Variants in ADAMTS4 observed in about 807,000 individuals in gnomAD.
ADAMTS4 encodes the protein ADAM metallopeptidase with thrombospondin type 1 motif 4, also known as A disintegrin and metalloproteinase with thrombospondin motifs 4.
ADAMTS4 carries 38 observed loss-of-function variants against 66.7 expected under a neutral mutation model. The observed-to-expected ratio is 0.57, with a 90% CI of 0.44 to 0.75. The LOEUF (loss-of-function observed/expected upper bound fraction) is 0.75, where lower values mean the gene tolerates loss of function less well. ADAMTS4 is among the 30% of genes least tolerant of loss of function. The pLI is 0.00. For missense variants in ADAMTS4, 1,014 were observed against 1,116.7 expected, an observed-to-expected ratio of 0.91 and a Z score of 1.31; for synonymous variants, 418 against 461.5, an observed-to-expected ratio of 0.91 and a Z score of 1.21.
Position 161,198,455 on chromosome 1 carries a change from T to TC in ADAMTS4, c.172dup (p.Glu58GlyfsTer60). 1.3e-6 allele frequency: 2 copies of TC among 1,573,990 alleles called. No individual in the cohort carries two copies. The highest frequency in any genetic ancestry group is 8.6e-7 in the Non-Finnish European group (1 of 1,160,320). On this transcript the variant is annotated frameshift_variant, in exon 1 of 9. Coordinates refer to ENST00000367996, the MANE Select transcript of ADAMTS4 (RefSeq NM_005099.6). LOFTEE classifies it high-confidence loss of function. The surrounding 1 kb of genome is among the most constrained non-coding windows in gnomAD (Gnocchi z 4.7). The stretch of plus-strand genomic sequence containing the variant: ...CTTCTCTGGAAACACGATCTCCTCC[T>TC]CCCGGGGGAGGGGGCTGGCCAGCCG...
rs1664978235 is a variant in ADAMTS4 at position 161,198,664 on chromosome 1, C to T, written c.-37G>A. 2.7e-6 allele frequency: 4 copies of T among 1,455,992 alleles called. No individual in the cohort carries two copies. In the South Asian group the frequency reaches 4.3e-5, roughly 16 times the overall value. 90.2% of individuals were successfully genotyped at this position (1,455,992 alleles called of 1,614,324 possible). ...TGCAGCTGGGAGGGACTGAGGCCGT[C>T]TAGGGCACCAAGTCCTCCACACCCT... is the stretch of plus-strand genomic sequence containing the variant. On this transcript the variant is annotated 5_prime_UTR_variant, in exon 1 of 9. Transcript: ENST00000367996. This position sits in a 1 kb window ranked among gnomAD's most constrained non-coding sequence, Gnocchi z 4.7.
In ADAMTS4 at chr1:161,198,253, G is replaced by T; in HGVS notation, c.375C>A (p.Gly125=). Residue 125 remains glycine, a synonymous_variant, in exon 1 of 9, where the codon GGC becomes GGA. Coordinates refer to ENST00000367996, the MANE Select transcript of ADAMTS4 (RefSeq NM_005099.6). This position sits in a 1 kb window ranked among gnomAD's most constrained non-coding sequence, Gnocchi z 4.7. Reference sequence around the variant, plus strand: ...CATTGATGGTGCCAGTCAGGTAGGTGCCAGGCTCTGCTCCACCCAGCAGCT... The same window carrying T: ...CATTGATGGTGCCAGTCAGGTAGGTTCCAGGCTCTGCTCCACCCAGCAGCT... ...APELLGGAEP[G]TYLTGTINGD... 1.2e-6 allele frequency: 2 copies of T among 1,614,022 alleles called. No homozygotes were observed. Among genetic ancestry groups the T allele is most frequent in the South Asian group, 2.2e-5 (2 of 91,080 alleles).
rs557579891 is a variant in ADAMTS4 at position 161,187,088 on chromosome 1, G to T, written c.*4050C>A. The T allele has an allele frequency of 5.9e-5, 9 of 152,260 alleles. No individual in the cohort carries two copies. Among genetic ancestry groups the T allele is most frequent in the African/African-American group, 1.9e-4 (8 of 41,558 alleles). 9.4% of individuals were successfully genotyped at this position (152,260 alleles called of 1,614,324 possible). ...GTTCTCCAGGGCCCAGCCCAAGGTA[G>T]CCCTCCATAACCCTCATAGTCCATT... On this transcript the variant is annotated 3_prime_UTR_variant, in exon 9 of 9. Coordinates refer to ENST00000367996, the MANE Select transcript of ADAMTS4 (RefSeq NM_005099.6).
intron 1 of ADAMTS4, chr1:161,197,446 G>A (rs541563067): frequency 1.3e-4 from 20 of 158,634 alleles, no homozygotes; most frequent in African/African-American, 2.2e-4. Flanking sequence ...AGGCAGCCTC[G>A]CAGTCCGGCC....
At position 161,197,554 on chromosome 1, in the gene ADAMTS4, G is replaced by A. The variant is rs74124657; in HGVS notation, c.633+441C>T. 1,666 of 170,530 alleles carry A rather than the reference G, an allele frequency of 9.8e-3. 32 individuals carry two copies. Among genetic ancestry groups the A allele is most frequent in the African/African-American group, 0.035 (1,494 of 42,194 alleles). The allele number at this position is 170,530 out of a possible 1,614,324, so 10.6% of individuals were successfully genotyped here. On this transcript the variant is annotated intron_variant, in intron 1 of 8. Transcript: ENST00000367996. ...TGCAGTTTGCCACAGTGATTTTAAA[G>A]GCAGCATCAGAAGCCAGACACCAAG...
chr1:161,197,917 G>A (rs1236693764), intron 1 of ADAMTS4, 78 bp downstream of exon 1: 4 of 1,505,706 alleles, frequency 2.7e-6, no homozygotes, highest in Non-Finnish European at 2.7e-6. Flanking sequence ...GTAAGTGGGT[G>A]GAGAGAGGGT....
rs1664738561 is a variant in ADAMTS4 at position 161,193,717 on chromosome 1, CGGG to C, written c.1655_1657del (p.Pro552del). The C allele has an allele frequency of 1.2e-6, 2 of 1,613,984 alleles. No individual in the cohort carries two copies. Among genetic ancestry groups the C allele is most frequent in the African/African-American group, 2.7e-5 (2 of 74,910 alleles). On this transcript the variant is annotated inframe_deletion, in exon 6 of 9. Transcript: ENST00000367996. The surrounding 1 kb of genome is among the most constrained non-coding windows in gnomAD (Gnocchi z 4.4). Reference sequence around the variant, plus strand: ...GCCCTCACAGTACTTGCCACCATTCCGGGGGACAGGCCTCGTGCAGTCTCGGGA... The same window carrying C: ...GCCCTCACAGTACTTGCCACCATTCCGGACAGGCCTCGTGCAGTCTCGGGA...
At chr1:161,196,408 T>A in intron 2 of ADAMTS4, 105 bp from the exon 3 acceptor site, 1 of 1,520,194 alleles carries the variant, frequency 6.6e-7, no homozygotes, top group Admixed American at 2.0e-5. Flanking sequence ...CCCAGCACTG[T>A]CAGGGCCTAG....
chr1:161,187,203 A>G lies in ADAMTS4; in HGVS notation c.*3935T>C, dbSNP rs988964424. The G allele has an allele frequency of 1.3e-5, 2 of 152,178 alleles. No individual in the cohort carries two copies. The highest frequency in any genetic ancestry group is 2.9e-5 in the Non-Finnish European group (2 of 68,044). The allele number at this position is 152,178 out of a possible 1,614,324, so 9.4% of individuals were successfully genotyped here. A position where few individuals can be genotyped will look rare whatever the true frequency, so the allele number is the denominator to read the frequency against. On this transcript the variant is annotated 3_prime_UTR_variant, in exon 9 of 9. Coordinates refer to ENST00000367996, the MANE Select transcript of ADAMTS4 (RefSeq NM_005099.6). Reference sequence around the variant, plus strand: ...GGGGAAGGTGGAGTGGGAGCAGTATACAACCTCCCCTGCCCAGAATGCAGT... The same window carrying G: ...GGGGAAGGTGGAGTGGGAGCAGTATGCAACCTCCCCTGCCCAGAATGCAGT...
Position 161,193,602 on chromosome 1 carries a change from G to A in ADAMTS4, c.1735+38C>T. ...AAGGGACAGTCCTTCCTGCTCTACT[G>A]TCCCCTCCCAAGGGCTCCCATCCCC... is the stretch of plus-strand genomic sequence containing the variant. On this transcript the variant is annotated intron_variant, in intron 6 of 8. Coordinates refer to ENST00000367996, the MANE Select transcript of ADAMTS4 (RefSeq NM_005099.6). The surrounding 1 kb of genome is among the most constrained non-coding windows in gnomAD (Gnocchi z 4.4). The A allele has an allele frequency of 6.3e-7, 1 of 1,580,180 alleles. No individual in the cohort carries two copies. Among genetic ancestry groups the A allele is most frequent in the South Asian group, 1.2e-5 (1 of 85,012 alleles).
chr1:161,191,984 G>T, intron 8 of ADAMTS4, 81 bp downstream of exon 8: 1 of 1,484,832 alleles, frequency 6.7e-7, no homozygotes, highest in Non-Finnish European at 9.3e-7. Context: ...TTTGAGAGTG[G>T]AAACAGTGCT....
rs942124113 is a variant in ADAMTS4 at position 161,196,156 on chromosome 1, C to A, written c.1090+15G>T. 1 of 1,573,920 alleles carries A rather than the reference C, an allele frequency of 6.4e-7. No homozygotes were observed. On this transcript the variant is annotated intron_variant, in intron 3 of 8. Coordinates refer to ENST00000367996, the MANE Select transcript of ADAMTS4 (RefSeq NM_005099.6). Reference sequence around the variant, plus strand: ...TTCTCCTCCCTAATACCTTTCTCATCCACCCCTACTTTACCCAGTTCATGA... The same window carrying A: ...TTCTCCTCCCTAATACCTTTCTCATACACCCCTACTTTACCCAGTTCATGA...
Position 161,198,111 on chromosome 1 carries a change from CAG to C in ADAMTS4, c.515_516del (p.Ser172CysfsTer46). 6.2e-7 allele frequency: 1 copy of C among 1,613,856 alleles called. No homozygotes were observed. Among genetic ancestry groups the C allele is most frequent in the Non-Finnish European group, 8.5e-7 (1 of 1,179,866 alleles). Reference protein sequence around the residue: ...LQPLEGGTPNSAGGPGAHILR... With the variant: ...LQPLEGGTPNXAGGPGAHILR... Reference sequence around the variant, plus strand: ...AGGATGTGAGCCCCAGGTCCCCCAGCAGAGTTAGGGGTGCCTCCCTCCAGGGG... The same window carrying C: ...AGGATGTGAGCCCCAGGTCCCCCAGCAGTTAGGGGTGCCTCCCTCCAGGGG... On this transcript the variant is annotated frameshift_variant, in exon 1 of 9. Transcript: ENST00000367996. LOFTEE classifies it high-confidence loss of function. The surrounding 1 kb of genome is among the most constrained non-coding windows in gnomAD (Gnocchi z 4.7).
At position 161,190,901 on chromosome 1, in the gene ADAMTS4, G is replaced by T. The variant is rs927701786; in HGVS notation, c.*237C>A. On this transcript the variant is annotated 3_prime_UTR_variant, in exon 9 of 9. Transcript: ENST00000367996. ...TCCTGTGACCCGCAGGGCAGAGGGG[G>T]CAGTTTAGATGGAGGGCTGTCTGTC... 4.3e-6 allele frequency: 2 copies of T among 462,340 alleles called. No individual in the cohort carries two copies. The highest frequency in any genetic ancestry group is 7.7e-6 in the Non-Finnish European group (2 of 261,420). 28.6% of individuals were successfully genotyped at this position (462,340 alleles called of 1,614,324 possible).
Position 161,194,106 on chromosome 1 carries a change from A to C in ADAMTS4, c.1377T>G (p.His459Gln). Residue 459 changes from histidine (H) to glutamine (Q), a missense_variant, in exon 5 of 9, where the codon CAT becomes CAG. Physicochemically the swap from His to Gln is conservative, Grantham distance 24. Transcript: ENST00000367996. The surrounding 1 kb of genome is among the most constrained non-coding windows in gnomAD (Gnocchi z 4.1). The part of the protein sequence containing the change: ...CQLTFGPDSR[H>Q]CPQLPPPCAA... Reference sequence around the variant, plus strand: ...CACAGGGCGGCGGCAGCTGTGGACAATGGCGTGAGTCGGGCCCGAAGGTCA... The same window carrying C: ...CACAGGGCGGCGGCAGCTGTGGACACTGGCGTGAGTCGGGCCCGAAGGTCA... 6.2e-7 allele frequency: 1 copy of C among 1,614,222 alleles called. No homozygotes were observed. Among genetic ancestry groups the C allele is most frequent in the South Asian group, 1.1e-5 (1 of 91,086 alleles).
At chr1:161,196,106 T>A in intron 3 of ADAMTS4, 65 bp downstream of exon 3, 1 of 1,521,640 alleles carries the variant, frequency 6.6e-7, no homozygotes, top group Non-Finnish European at 8.8e-7. Context: ...AACACTGTGG[T>A]GAACTTGCTA....
At chr1:161,192,745 G>T (rs1050561901) in intron 7 of ADAMTS4, among the ~76,000 whole-genome samples, 5 of 152,158 alleles carry the variant, frequency 3.3e-5, no homozygotes, top group Admixed American at 1.3e-4. Context: ...TGCTGCTGGG[G>T]CTTGTTTTTC....
rs775216087 is a variant in ADAMTS4 at position 161,198,460 on chromosome 1, G to A, written c.168C>T (p.Pro56=). Residue 56 remains proline, a synonymous_variant, in exon 1 of 9, where the codon CCC becomes CCT. Transcript: ENST00000367996. This position sits in a 1 kb window ranked among gnomAD's most constrained non-coding sequence, Gnocchi z 4.7. ...LPSARLASPL[P]REEEIVFPEK... Reference sequence around the variant, plus strand: ...CTGGAAACACGATCTCCTCCTCCCGGGGGAGGGGGCTGGCCAGCCGGGCTG... The same window carrying A: ...CTGGAAACACGATCTCCTCCTCCCGAGGGAGGGGGCTGGCCAGCCGGGCTG... 2.2e-5 allele frequency: 34 copies of A among 1,573,240 alleles called. 1 individual carries two copies. The South Asian group carries it at 3.9e-4, about 18-fold the overall frequency.
Position 161,185,972 on chromosome 1 carries a change from C to A in ADAMTS4, c.*5166G>T. On this transcript the variant is annotated 3_prime_UTR_variant, in exon 9 of 9. Transcript: ENST00000367996. ...ACACATACTCATGCACAACACTTGC[C>A]ATCTCATAAAATGGTTGTCCAAACT... 6.6e-6 allele frequency: 1 copy of A among 152,348 alleles called. No individual in the cohort carries two copies. 9.4% of individuals were successfully genotyped at this position (152,348 alleles called of 1,614,324 possible).
Sources: allele counts gnomAD v4.1 joint callset (sites outside exome capture counted in the v4.1 genomes callset), GRCh38; gene constraint gnomAD v4.1.1; non-coding constraint Gnocchi (gnomAD v3.1); transcripts MANE v1.5; gene names NCBI Gene and HGNC (gene_info 2026-07-23, HGNC 2026-07-21).